Variants in MTERF4 observed in about 807,000 individuals in gnomAD.
MTERF4 encodes the protein transcription termination factor 4, mitochondrial.
Under a neutral mutation model 22.5 loss-of-function variants are expected in MTERF4, and 17 were observed. The ratio of observed to expected loss-of-function variants is 0.75; its 90% CI spans 0.52 to 1.13. MTERF4 has a LOEUF of 1.13. Among genes scored for constraint, MTERF4 ranks in the 50% most tolerant of loss-of-function variants. The pLI, the probability that MTERF4 is intolerant of heterozygous loss-of-function variation, is 0.00. For synonymous variants in MTERF4, 165 were observed against 175.3 expected (o/e 0.94, Z 0.47); for missense variants, 420 against 466.8 (o/e 0.90, Z 0.92).
chr2:241,094,719 C>T (rs568639193), downstream of MTERF4: 102 of 251,522 alleles, frequency 4.1e-4, 1 homozygote, highest in Admixed American at 1.6e-3. The surrounding 1 kb of genome is among the most constrained non-coding windows in gnomAD (Gnocchi z 4.3). Context: ...CCATCCTGTG[C>T]ACTGCAGGAT....
rs772956826 is a variant in MTERF4 at position 241,097,398 on chromosome 2, G to A, written c.550C>T (p.Pro184Ser). 6.2e-7 allele frequency: 1 copy of A among 1,614,008 alleles called. No homozygotes were observed. The highest frequency in any genetic ancestry group is 2.2e-5 in the East Asian group (1 of 44,874). Residue 184 changes from proline (P) to serine (S), a missense_variant, in exon 3 of 4, where the codon CCT becomes TCT. By Grantham distance (74) the Pro-to-Ser change is moderately conservative. Transcript: ENST00000391980. ...GKLKRVLYCC[P>S]EIFTMRQQDI... Reference sequence around the variant, plus strand: ...TGCTGGCGCATGGTGAAAATTTCAGGGCAACAGTAAAGCACCCTCTTTAAT... The same window carrying A: ...TGCTGGCGCATGGTGAAAATTTCAGAGCAACAGTAAAGCACCCTCTTTAAT...
At chr2:241,045,216 A>G in the MTERF4 span, among the ~76,000 whole-genome samples, 1 of 152,360 alleles carries the variant, frequency 6.6e-6, no homozygotes, top group African/African-American at 2.4e-5. Context: ...CGTAGTAAAT[A>G]TGGCAGTGCT....
the MTERF4 span, among the ~76,000 whole-genome samples, chr2:241,065,747 G>A: frequency 6.6e-6 from 1 of 152,222 alleles, no homozygotes; most frequent in Non-Finnish European, 1.5e-5. Context: ...TGGAGGCACC[G>A]CCCTGCTGGA....
chr2:241,057,715 C>T, the MTERF4 span, among the ~76,000 whole-genome samples: 24 of 152,054 alleles, frequency 1.6e-4, no homozygotes, highest in African/African-American at 5.5e-4. Flanking sequence ...AAACTTAATA[C>T]CTAAATATCT....
the MTERF4 span, among the ~76,000 whole-genome samples, chr2:241,048,044 C>T: frequency 6.6e-6 from 1 of 151,988 alleles, no homozygotes; most frequent in African/African-American, 2.4e-5. Context: ...CTGTCCAATC[C>T]TGGGTGGTCT....
chr2:241,088,220 G>A (rs143416068), downstream of MTERF4: 47 of 674,256 alleles, frequency 7.0e-5, no homozygotes, highest in Middle Eastern at 2.5e-4. Flanking sequence ...TCTCCACAGC[G>A]GTGTCTGGAC....
chr2:241,070,858 G>A (rs1041411603), downstream of MTERF4, among the ~76,000 whole-genome samples: 3 of 152,328 alleles, frequency 2.0e-5, no homozygotes, highest in East Asian at 1.9e-4. Context: ...GAGAGGCCAC[G>A]GCGGGACAGA....
chr2:241,082,396 A>G, downstream of MTERF4: 3 of 1,553,940 alleles, frequency 1.9e-6, no homozygotes, highest in South Asian at 1.1e-5. Flanking sequence ...GCCTTACCGC[A>G]TTTGTCGTGT....
At chr2:241,053,311 C>A in the MTERF4 span, 2 of 1,583,942 alleles carry the variant, frequency 1.3e-6, no homozygotes, top group South Asian at 2.3e-5. Context: ...CTGGAGTGAG[C>A]CTCCCCAGTG....
At chr2:241,083,381 C>T (rs951453944), downstream of MTERF4, among the ~76,000 whole-genome samples, 9 of 113,704 alleles carry the variant, frequency 7.9e-5, no homozygotes, top group Admixed American at 1.6e-4. Flanking sequence ...GGTGTTTGTC[C>T]GGCATGAAAT....
downstream of MTERF4, chr2:241,089,490 C>CTGGGCCGGAGCTCCT: frequency 2.0e-6 from 3 of 1,487,046 alleles, no homozygotes; most frequent in Non-Finnish European, 2.7e-6. Flanking sequence ...GGGGAAAGGT[C>CTGGGCCGGAGCTCCT]TGGGCCGGAG....
the MTERF4 span, among the ~76,000 whole-genome samples, chr2:241,061,457 G>A: frequency 6.6e-6 from 1 of 152,210 alleles, no homozygotes; most frequent in Admixed American, 6.5e-5. Flanking sequence ...CACTCTGCCT[G>A]TTGAGCAATC....
downstream of MTERF4, among the ~76,000 whole-genome samples, chr2:241,091,289 A>G (rs2063962847): frequency 6.6e-6 from 1 of 152,184 alleles, no homozygotes; most frequent in Non-Finnish European, 1.5e-5. The surrounding 1 kb of genome is among the most constrained non-coding windows in gnomAD (Gnocchi z 4.1). Context: ...TGGAGAAAAG[A>G]CCCAGAGTCG....
the MTERF4 span, among the ~76,000 whole-genome samples, chr2:241,062,244 A>G: frequency 6.6e-6 from 1 of 152,236 alleles, no homozygotes. Flanking sequence ...GGATGAGCCC[A>G]TTCAGCATTC....
At chr2:241,052,261 G>A in the MTERF4 span, 1 of 1,438,994 alleles carries the variant, frequency 6.9e-7, no homozygotes, top group African/African-American at 1.4e-5. Context: ...TGGAGGCGCA[G>A]GAGGTGGAGC....
downstream of MTERF4, chr2:241,087,676 C>A: frequency 1.5e-6 from 2 of 1,372,238 alleles, no homozygotes; most frequent in Non-Finnish European, 1.9e-6. Flanking sequence ...CCCAGAGGGG[C>A]ACAGCCGGGC....
chr2:241,093,588 C>T (rs995190179), downstream of MTERF4: 1 of 147,504 alleles, frequency 6.8e-6, no homozygotes, highest in African/African-American at 2.6e-5. Flanking sequence ...AAGCTTGGTG[C>T]CACACAGCAA....
intron 4 of MTERF4, among the ~76,000 whole-genome samples, chr2:241,081,298 G>A (rs978929604): frequency 1.3e-5 from 2 of 151,882 alleles, no homozygotes; most frequent in African/African-American, 2.4e-5. Context: ...AGCAGAAACC[G>A]TGTTCAGGGG....
rs1169865119 is a variant in MTERF4, at chr2:241,073,502, G to A, written n.2660C>T. 2.8e-6 allele frequency: 2 copies of A among 725,476 alleles called. No homozygotes were observed. Among genetic ancestry groups the A allele is most frequent in the Admixed American group, 4.3e-5 (2 of 46,934 alleles). 44.9% of individuals were successfully genotyped at this position (725,476 alleles called of 1,614,324 possible). A position where few individuals can be genotyped will look rare whatever the true frequency, so the allele number is the denominator to read the frequency against. On this transcript the variant is annotated non_coding_transcript_exon_variant, in exon 5 of 5. Transcript: ENST00000464344. The surrounding 1 kb of genome is among the most constrained non-coding windows in gnomAD (Gnocchi z 6.6). ...TACCTGAGGGGAGGCTGAGCACCAG[G>A]CACCCCGGTGTGGGAAGATGGGGTG...
Sources: gnomAD v4.1 joint callset for allele counts (sites outside exome capture counted in the v4.1 genomes callset) on GRCh38, gnomAD v4.1.1 for gene constraint, Gnocchi (gnomAD v3.1) non-coding constraint, MANE v1.5 for transcripts, NCBI Gene and HGNC (gene_info 2026-07-23, HGNC 2026-07-21) for gene names.